The following CCDC91 variants were observed in gnomAD, a reference collection of about 807,000 sequenced individuals.
CCDC91 encodes coiled-coil domain-containing protein 91.
CCDC91 carries 48 observed loss-of-function variants against 63.2 expected under a neutral mutation model. The observed-to-expected ratio is 0.76, with a 90% confidence interval of 0.60 to 0.97. The LOEUF is 0.97. Among genes scored for constraint, CCDC91 ranks in the 50% least tolerant of loss-of-function variants. CCDC91 has a pLI of 0.00. For missense variants in CCDC91, 500 were observed against 494.6 expected (o/e 1.01, Z -0.10); for synonymous variants, 167 against 165.8 (o/e 1.01, Z -0.06).
At chr12:28,209,300 G>A (rs1250459524) in intron 1 of CCDC91, among the ~76,000 whole-genome samples, 4 of 152,108 alleles carry the variant, frequency 2.6e-5, no homozygotes, top group African/African-American at 9.7e-5. Flanking sequence ...GAAAGAGAAG[G>A]TTAGTGCTTT....
chr12:28,471,512 A>C (rs1231196302), intron 11 of CCDC91, among the ~76,000 whole-genome samples: 1 of 152,156 alleles, frequency 6.6e-6, no homozygotes, highest in Non-Finnish European at 1.5e-5. Flanking sequence ...GGAACCCTCA[A>C]GAATAGGACT....
At chr12:28,463,762 C>A (rs1325698208) in intron 11 of CCDC91, among the ~76,000 whole-genome samples, 7 of 152,034 alleles carry the variant, frequency 4.6e-5, no homozygotes, top group Non-Finnish European at 8.8e-5. Context: ...TTGGGGTAAT[C>A]CTGGTCAGAA....
chr12:28,520,981 A>G (rs1190466799), intron 12 of CCDC91, among the ~76,000 whole-genome samples: 4 of 152,090 alleles, frequency 2.6e-5, no homozygotes, highest in Non-Finnish European at 5.9e-5. Context: ...GTAGCCTTGT[A>G]GTATAGTTTG....
chr12:28,229,979 A>G (rs117945435), intron 1 of CCDC91, among the ~76,000 whole-genome samples: 3,174 of 152,186 alleles, frequency 0.021, 44 homozygotes, highest in Non-Finnish European at 0.032. Context: ...ATCTTTGTTG[A>G]CTTTTTATCA....
At chr12:28,253,298 A>G (rs955555034) in intron 1 of CCDC91, among the ~76,000 whole-genome samples, 8 of 152,074 alleles carry the variant, frequency 5.3e-5, no homozygotes, top group Admixed American at 2.0e-4. Flanking sequence ...GTAGTGAAAG[A>G]TGTCTGGAGT....
intron 6 of CCDC91, among the ~76,000 whole-genome samples, chr12:28,339,486 C>G (rs1448592847): frequency 6.6e-6 from 1 of 151,284 alleles, no homozygotes; most frequent in African/African-American, 2.4e-5. Flanking sequence ...CCCTCCTTAT[C>G]TGTATCTGCA....
At chr12:28,266,878 G>T (rs1316175062) in intron 3 of CCDC91, among the ~76,000 whole-genome samples, 1 of 151,028 alleles carries the variant, frequency 6.6e-6, no homozygotes, top group Non-Finnish European at 1.5e-5. Context: ...AGCGCCCCCC[G>T]CCCCACCAAA....
At chr12:28,201,003 T>TG (rs1341509028) in intron 1 of CCDC91, among the ~76,000 whole-genome samples, 1 of 118,048 alleles carries the variant, frequency 8.5e-6, no homozygotes, top group Non-Finnish European at 1.8e-5. Context: ...GGCGGGGGGC[T>TG]GACCCCCCCA....
chr12:28,356,209 T>C (rs1351976007), intron 6 of CCDC91, among the ~76,000 whole-genome samples: 3 of 152,168 alleles, frequency 2.0e-5, no homozygotes, highest in Non-Finnish European at 2.9e-5. Flanking sequence ...TGCATAATGT[T>C]GTATCATGCT....
chr12:28,437,539 C>A (rs1288935673), intron 8 of CCDC91, among the ~76,000 whole-genome samples: 2 of 152,036 alleles, frequency 1.3e-5, no homozygotes, highest in Non-Finnish European at 2.9e-5. Context: ...TTCTACCTTA[C>A]CTTTACAGCT....
intron 8 of CCDC91, among the ~76,000 whole-genome samples, chr12:28,414,005 C>G (rs566635709): frequency 1.1e-4 from 17 of 152,116 alleles, no homozygotes; most frequent in Non-Finnish European, 1.3e-4. Flanking sequence ...GGCAGAACCA[C>G]GAGTGAAAGG....
At chr12:28,302,739 G>A (rs1251954812) in intron 3 of CCDC91, 2 of 667,128 alleles carry the variant, frequency 3.0e-6, no homozygotes, top group African/African-American at 2.0e-5. Flanking sequence ...ATGAAGCAAA[G>A]CAGGTTTATT....
chr12:28,327,778 A>G (rs1352727504), intron 6 of CCDC91, among the ~76,000 whole-genome samples: 2 of 152,042 alleles, frequency 1.3e-5, no homozygotes, highest in African/African-American at 2.4e-5. Context: ...CACTGGTGGG[A>G]GTGTCATTTA....
rs1423090374 is a variant in CCDC91 at position 28,404,122 on chromosome 12, G to T, written c.762+12711G>T. ...GTGGAAACTTAGATTGTTAATTTTA[G>T]ATCTTTCTTCTCTTCTAATACATGA... On this transcript the variant is annotated intron_variant, in intron 8 of 12. Coordinates refer to ENST00000536442, the MANE Select transcript of CCDC91 (RefSeq NM_018318.5). Among the ~76,000 whole-genome samples the T allele has an allele frequency of 7.9e-5, 12 of 151,496 alleles. No homozygotes were observed. In the South Asian group the frequency reaches 2.1e-3, roughly 27 times the overall value.
intron 12 of CCDC91, among the ~76,000 whole-genome samples, chr12:28,498,961 C>T (rs148864409): frequency 9.8e-4 from 148 of 151,698 alleles, no homozygotes; most frequent in Non-Finnish European, 1.8e-3. Flanking sequence ...AAGCCTGAAA[C>T]ATAACAGATG....
At chr12:28,474,313 G>A (rs765697520) in intron 11 of CCDC91, among the ~76,000 whole-genome samples, 7 of 151,966 alleles carry the variant, frequency 4.6e-5, no homozygotes, top group African/African-American at 1.7e-4. Context: ...CTCAAATGCC[G>A]CCAAATTATT....
intron 3 of CCDC91, among the ~76,000 whole-genome samples, chr12:28,282,239 CTAAT>C (rs1948654467): frequency 6.6e-6 from 1 of 152,082 alleles, no homozygotes; most frequent in Admixed American, 6.6e-5. Flanking sequence ...CAAGTTAAAT[CTAAT>C]TAAGATGATT....
At chr12:28,349,900 A>G (rs1357158892) in intron 6 of CCDC91, among the ~76,000 whole-genome samples, 2 of 152,142 alleles carry the variant, frequency 1.3e-5, no homozygotes, top group Non-Finnish European at 2.9e-5. Context: ...AGGACTACAA[A>G]TTAAGCAAAC....
chr12:28,237,248 A>ACACACACACACG (rs1337040593), intron 1 of CCDC91, among the ~76,000 whole-genome samples: 20 of 151,120 alleles, frequency 1.3e-4, no homozygotes, highest in African/African-American at 4.9e-4. Flanking sequence ...ACACACACAC[A>ACACACACACACG]CACACACACA....
Sources: gnomAD v4.1 joint callset for allele counts (sites outside exome capture counted in the v4.1 genomes callset) on GRCh38, gnomAD v4.1.1 for gene constraint, MANE v1.5 for transcripts, NCBI Gene and HGNC (gene_info 2026-07-23, HGNC 2026-07-21) for gene names.